The following AKAP7 variants were observed in gnomAD, a reference collection of about 807,000 sequenced individuals.
AKAP7 encodes the protein A-kinase anchoring protein 7.
AKAP7 carries 39 observed loss-of-function variants against 39.5 expected under a neutral mutation model. The observed-to-expected ratio is 0.99, with a 90% CI of 0.76 to 1.29. The LOEUF (loss-of-function observed/expected upper bound fraction) is 1.29, where lower values mean the gene tolerates loss of function less well. Ranked by LOEUF, AKAP7 falls within the 50% of genes most tolerant of loss-of-function variation. AKAP7 has a pLI of 0.00. For missense variants in AKAP7, 414 were observed against 407.7 expected, an observed-to-expected ratio of 1.02 and a Z score of -0.13; for synonymous variants, 140 against 139.1, an observed-to-expected ratio of 1.01 and a Z score of -0.05.
At chr6:131,196,478 G>A (rs1806943904) in intron 5 of AKAP7, among the ~76,000 whole-genome samples, 1 of 151,954 alleles carries the variant, frequency 6.6e-6, no homozygotes, top group Non-Finnish European at 1.5e-5. Flanking sequence ...TGGCCAGGCT[G>A]GTCTCGAACT....
At position 131,147,437 on chromosome 6, in the gene AKAP7, T is replaced by C. The variant is rs578161254; in HGVS notation, c.151+2021T>C. Among the ~76,000 whole-genome samples, 13 of 152,346 alleles carry C rather than the reference T, an allele frequency of 8.5e-5. 1 individual carries two copies. The South Asian group carries it at 2.7e-3, about 32-fold the overall frequency. On this transcript the variant is annotated intron_variant, in intron 2 of 7. Coordinates refer to ENST00000431975, the MANE Select transcript of AKAP7 (RefSeq NM_016377.4). ...GAAGGAATCAGGAAGAGGTGTTTCC[T>C]ATATTTTCCTTTACAACTGCCCCGT...
At chr6:131,145,560 G>C in intron 2 of AKAP7, 144 bp downstream of exon 2, 1 of 523,696 alleles carries the variant, frequency 1.9e-6, no homozygotes, top group Non-Finnish European at 2.8e-6. Context: ...ATTTATTCTA[G>C]TTTTTTGAGA....
At chr6:131,174,454 A>G (rs1474780647) in intron 5 of AKAP7, among the ~76,000 whole-genome samples, 1 of 152,256 alleles carries the variant, frequency 6.6e-6, no homozygotes, top group Non-Finnish European at 1.5e-5. Flanking sequence ...CAGGCTGGGC[A>G]CACTGGCTTG....
At chr6:131,145,539 G>T (rs1334158481) in intron 2 of AKAP7, 123 bp downstream of exon 2, 1 of 609,910 alleles carries the variant, frequency 1.6e-6, no homozygotes, top group Middle Eastern at 5.6e-4. Flanking sequence ...TTTTAATTTT[G>T]ATTTCATTTC....
intron 7 of AKAP7, among the ~76,000 whole-genome samples, chr6:131,253,750 A>G (rs1266652265): frequency 6.6e-6 from 1 of 152,046 alleles, no homozygotes; most frequent in African/African-American, 2.4e-5. Flanking sequence ...TGCCTGGCTT[A>G]TTTCACTTCC....
intron 7 of AKAP7, among the ~76,000 whole-genome samples, chr6:131,260,907 A>G (rs1298094279): frequency 6.6e-6 from 1 of 152,190 alleles, no homozygotes; most frequent in Non-Finnish European, 1.5e-5. Flanking sequence ...TTAAATGAAT[A>G]TTTTAATGGC....
At chr6:131,155,673 A>G (rs1032032055) in intron 2 of AKAP7, among the ~76,000 whole-genome samples, 9 of 152,190 alleles carry the variant, frequency 5.9e-5, no homozygotes, top group Admixed American at 5.9e-4. Flanking sequence ...TTATCATCAG[A>G]TATTTAGAAT....
intron 3 of AKAP7, among the ~76,000 whole-genome samples, chr6:131,161,506 A>G (rs951051023): frequency 4.0e-5 from 6 of 151,492 alleles, no homozygotes; most frequent in Non-Finnish European, 7.4e-5. Context: ...CTAGCTGGGC[A>G]TGGTGGCTCA....
At chr6:131,167,710 T>C (rs1236541230) in intron 4 of AKAP7, among the ~76,000 whole-genome samples, 1 of 152,166 alleles carries the variant, frequency 6.6e-6, no homozygotes, top group Non-Finnish European at 1.5e-5. Context: ...CACAATACTT[T>C]ACAATTTTGG....
intron 7 of AKAP7, chr6:131,250,706 G>A: frequency 7.6e-7 from 1 of 1,322,224 alleles, no homozygotes; most frequent in Non-Finnish European, 1.1e-6. Flanking sequence ...TTTTTTAATG[G>A]GAAGGATAGC....
intron 2 of AKAP7, among the ~76,000 whole-genome samples, chr6:131,151,295 A>G (rs917485812): frequency 4.6e-5 from 7 of 151,494 alleles, no homozygotes; most frequent in Non-Finnish European, 8.8e-5. Flanking sequence ...CACCTGCCTC[A>G]GCCTCCCAAA....
chr6:131,151,811 A>C (rs1801945642), intron 2 of AKAP7, among the ~76,000 whole-genome samples: 1 of 152,232 alleles, frequency 6.6e-6, no homozygotes, highest in African/African-American at 2.4e-5. Flanking sequence ...AATTTTAGGA[A>C]TGGTTACTTT....
intron 7 of AKAP7, among the ~76,000 whole-genome samples, chr6:131,255,247 G>A (rs937651955): frequency 2.0e-5 from 3 of 152,112 alleles, no homozygotes; most frequent in East Asian, 3.9e-4. Context: ...CTAACATAGC[G>A]TGTTACCCAG....
intron 7 of AKAP7, among the ~76,000 whole-genome samples, chr6:131,277,477 C>T (rs1007699750): frequency 1.3e-5 from 2 of 152,086 alleles, no homozygotes; most frequent in African/African-American, 4.8e-5. Context: ...GTGTGTTGCG[C>T]CAGCATGTTG....
intron 7 of AKAP7, among the ~76,000 whole-genome samples, chr6:131,241,750 T>A (rs887756496): frequency 2.6e-5 from 4 of 151,946 alleles, no homozygotes; most frequent in African/African-American, 9.7e-5. Context: ...TTGCAGCTAG[T>A]TACCTGAGAT....
At chr6:131,160,329 G>A (rs1175833408) in intron 3 of AKAP7, 131 bp downstream of exon 3, 25 of 871,674 alleles carry the variant, frequency 2.9e-5, no homozygotes, top group Middle Eastern at 3.5e-4. Flanking sequence ...ACTGTCCAGG[G>A]AATATTTCTG....
chr6:131,128,822 C>CAAAA, the AKAP7 span, among the ~76,000 whole-genome samples: 1 of 125,108 alleles, frequency 8.0e-6, no homozygotes, highest in Non-Finnish European at 1.6e-5. Flanking sequence ...AACTCCATCT[C>CAAAA]AAAAAAAAAA....
chr6:131,179,896 T>TA (rs911267672), intron 5 of AKAP7, among the ~76,000 whole-genome samples: 50 of 143,430 alleles, frequency 3.5e-4, no homozygotes, highest in African/African-American at 6.8e-4. Flanking sequence ...AATAAATAAA[T>TA]AATAAATAAA....
At chr6:131,189,239 A>C (rs1806169985) in intron 5 of AKAP7, among the ~76,000 whole-genome samples, 1 of 152,258 alleles carries the variant, frequency 6.6e-6, no homozygotes, top group Non-Finnish European at 1.5e-5. Context: ...TCTACTGAAC[A>C]CATGTTGCTT....
Sources: gnomAD v4.1 joint callset for allele counts (sites outside exome capture counted in the v4.1 genomes callset) on GRCh38, gnomAD v4.1.1 for gene constraint, MANE v1.5 for transcripts, NCBI Gene and HGNC (gene_info 2026-07-23, HGNC 2026-07-21) for gene names.